STARD10: variants seen among roughly 807,000 people sequenced by gnomAD.
The protein encoded by STARD10 is START domain-containing protein 10.
A neutral mutation model predicts 36.0 loss-of-function variants in STARD10; 24 were observed. The ratio of observed to expected loss-of-function variants is 0.67; its 90% CI spans 0.48 to 0.94. The LOEUF is 0.94. Among genes scored for constraint, STARD10 ranks in the 40% least tolerant of loss-of-function variants. The pLI is 0.00. For synonymous variants in STARD10, 156 were observed against 161.9 expected (o/e 0.96, Z 0.28); for missense variants, 335 against 396.6 (o/e 0.84, Z 1.32).
Position 72,754,848 on chromosome 11 carries a change from GC to G in STARD10, c.*48del. ...GGGAGAAAGTGCAGGAGCGGCCGCC[GC>G]CCCAGGGCTCGCCCGGTCCTGTCTC... is the stretch of plus-strand genomic sequence containing the variant. On this transcript the variant is annotated 3_prime_UTR_variant, in exon 7 of 7. Transcript: ENST00000334805. 6.4e-7 allele frequency: 1 copy of G among 1,566,344 alleles called. No homozygotes were observed. The highest frequency in any genetic ancestry group is 8.6e-7 in the Non-Finnish European group (1 of 1,163,520).
At position 72,757,857 on chromosome 11, in the gene STARD10, G is replaced by C; in HGVS notation, c.487C>G (p.Arg163Gly). The change falls in exon 5 of 7, where the codon CGA (arginine) becomes GGA (glycine). Residue 163 changes from arginine to glycine, a missense_variant. By Grantham distance (125) the Arg-to-Gly change is moderately radical (BLOSUM62 -2). Transcript: ENST00000334805. ...PKYPPRKDLV[R>G]AVSIQTGYLI... ...TAGCCCGTCTGGATGGACACAGCTC[G>C]GACCAAGTCTTTCCGAGGTGGGTAT... 6.2e-7 allele frequency: 1 copy of C among 1,614,200 alleles called. No individual in the cohort carries two copies. The highest frequency in any genetic ancestry group is 8.5e-7 in the Non-Finnish European group (1 of 1,180,016).
chr11:72,762,435 CAGACTCG>C (rs1858729691), intron 2 of STARD10, among the ~76,000 whole-genome samples: 1 of 152,106 alleles, frequency 6.6e-6, no homozygotes, highest in Non-Finnish European at 1.5e-5. Context: ...GGTTCAAGGA[CAGACTCG>C]AGACTGCAAT....
At chr11:72,791,698 C>T (rs1462373681) in intron 1 of STARD10, among the ~76,000 whole-genome samples, 1 of 149,400 alleles carries the variant, frequency 6.7e-6, no homozygotes. Flanking sequence ...AGTGAAATTC[C>T]GTCTCAAAAA....
At chr11:72,776,798 G>A (rs1260425871) in intron 2 of STARD10, among the ~76,000 whole-genome samples, 1 of 152,154 alleles carries the variant, frequency 6.6e-6, no homozygotes, top group Non-Finnish European at 1.5e-5. Flanking sequence ...CATTTCATAG[G>A]GTGAGAGGGT....
chr11:72,780,581 G>A (rs924623995), intron 2 of STARD10: 2 of 359,396 alleles, frequency 5.6e-6, no homozygotes, highest in East Asian at 1.5e-4. Context: ...TGAGAACCAG[G>A]AATCAGGGAG....
chr11:72,788,447 C>T (rs1859101811), intron 1 of STARD10, among the ~76,000 whole-genome samples: 1 of 152,174 alleles, frequency 6.6e-6, no homozygotes, highest in Admixed American at 6.5e-5. Flanking sequence ...TGGGGTGTGG[C>T]TGTGTCGCAC....
chr11:72,755,160 CG>C lies in STARD10; in HGVS notation c.631-19del. On this transcript the variant is annotated intron_variant, in intron 6 of 6. Coordinates refer to ENST00000334805, the MANE Select transcript of STARD10 (RefSeq NM_006645.3). ...TTCATGGCCTGTGGGCCCGCCGCCC[CG>C]CCGGGTCAGGGGGTGGCTAGGGGGC... The C allele has an allele frequency of 1.2e-6, 2 of 1,603,784 alleles. No homozygotes were observed. Among genetic ancestry groups the C allele is most frequent in the Non-Finnish European group, 1.7e-6 (2 of 1,174,292 alleles).
At chr11:72,784,011 G>C (rs1859040418) in intron 1 of STARD10, among the ~76,000 whole-genome samples, 1 of 152,194 alleles carries the variant, frequency 6.6e-6, no homozygotes, top group Admixed American at 6.5e-5. Context: ...CTGGGTCCTA[G>C]GTTTAGGCCA....
At chr11:72,756,240 C>T (rs533223555) in intron 5 of STARD10, among the ~76,000 whole-genome samples, 58 of 152,322 alleles carry the variant, frequency 3.8e-4, no homozygotes, top group African/African-American at 1.3e-3. Flanking sequence ...TCCACCCTAT[C>T]TCATTCCCAA....
chr11:72,787,949 G>C (rs990605614), intron 1 of STARD10, among the ~76,000 whole-genome samples: 1 of 152,192 alleles, frequency 6.6e-6, no homozygotes, highest in Admixed American at 6.5e-5. Flanking sequence ...CCTGGAACTG[G>C]TGGGGACTCT....
chr11:72,755,435 C>T (rs945453727), intron 6 of STARD10: 9 of 569,456 alleles, frequency 1.6e-5, no homozygotes, highest in East Asian at 6.4e-5. Flanking sequence ...CTTAGCCTCC[C>T]GAGTAGCTGG....
At chr11:72,789,685 A>G (rs1244365128) in intron 1 of STARD10, among the ~76,000 whole-genome samples, 1 of 152,082 alleles carries the variant, frequency 6.6e-6, no homozygotes, top group South Asian at 2.1e-4. Flanking sequence ...TGTGGGTGGA[A>G]TTCTCTAGGG....
intron 2 of STARD10, among the ~76,000 whole-genome samples, chr11:72,770,033 T>C (rs1003237730): frequency 1.3e-5 from 2 of 152,200 alleles, no homozygotes; most frequent in African/African-American, 2.4e-5. Flanking sequence ...GGATACAAAC[T>C]AGTACCCGTG....
At chr11:72,755,238 G>T in intron 6 of STARD10, 96 bp from the exon 7 acceptor site, 1 of 1,422,786 alleles carries the variant, frequency 7.0e-7, no homozygotes, top group East Asian at 2.5e-5. Flanking sequence ...ATCCTGACTG[G>T]CTCCCTTTCA....
chr11:72,771,800 TG>T (rs989240062), intron 2 of STARD10, among the ~76,000 whole-genome samples: 2 of 151,388 alleles, frequency 1.3e-5, no homozygotes, highest in African/African-American at 4.9e-5. Context: ...ACTTCTATCC[TG>T]GGGGGGCGAG....
Position 72,765,301 on chromosome 11 carries a change from CA to C in STARD10, c.208-5921del, listed in dbSNP as rs555422217. On this transcript the variant is annotated intron_variant, in intron 2 of 6. Transcript: ENST00000334805. ...AAGAAAAGAAAAAGAAAACTGAGGC[CA>C]GGGGGAGCAAGTGACACCAGAGAAA... 2.4e-3 allele frequency among the ~76,000 whole-genome samples: 360 copies of C among 152,158 alleles called. 3 individuals carry two copies. Among genetic ancestry groups the C allele is most frequent in the Non-Finnish European group, 3.7e-3 (249 of 67,998 alleles).
chr11:72,755,206 C>A, intron 6 of STARD10, 64 bp from the exon 7 acceptor site: 1 of 1,513,580 alleles, frequency 6.6e-7, no homozygotes, highest in Non-Finnish European at 8.9e-7. Flanking sequence ...CCACACCCCC[C>A]TCCAGCGGCT....
At chr11:72,755,807 C>T (rs1858637148) in intron 5 of STARD10, 54 bp from the exon 6 acceptor site, 3 of 1,529,122 alleles carry the variant, frequency 2.0e-6, no homozygotes, top group Non-Finnish European at 2.7e-6. Flanking sequence ...CCCTCCGCCC[C>T]TGACAAAAGC....
intron 1 of STARD10, among the ~76,000 whole-genome samples, chr11:72,788,876 G>C (rs1253905298): frequency 2.0e-5 from 3 of 151,920 alleles, no homozygotes; most frequent in Non-Finnish European, 1.5e-5. Flanking sequence ...TTTTTTAAAA[G>C]ATAGGATCTT....
Sources: allele counts gnomAD v4.1 joint callset (sites outside exome capture counted in the v4.1 genomes callset), GRCh38; gene constraint gnomAD v4.1.1; transcripts MANE v1.5; gene names NCBI Gene and HGNC (gene_info 2026-07-23, HGNC 2026-07-21).